The following GUF1 variants were observed in gnomAD, a reference collection of about 807,000 sequenced individuals.
GUF1 encodes the protein GTP binding elongation factor GUF1, also known as translation factor GUF1, mitochondrial.
A neutral mutation model predicts 82.4 loss-of-function variants in GUF1; 78 were observed. The ratio of observed to expected loss-of-function variants is 0.95; its 90% CI spans 0.79 to 1.14. The LOEUF (loss-of-function observed/expected upper bound fraction) is 1.14, where lower values mean the gene tolerates loss of function less well. Among genes scored for constraint, GUF1 ranks in the 50% most tolerant of loss-of-function variants. The pLI, the probability that GUF1 is intolerant of heterozygous loss-of-function variation, is 0.00. For missense variants in GUF1, 814 were observed against 798.2 expected, an observed-to-expected ratio of 1.02 and a Z score of -0.24; for synonymous variants, 279 against 282.3, an observed-to-expected ratio of 0.99 and a Z score of 0.12.
At chr4:44,697,496 TCAAAGGGGG>T in intron 16 of GUF1, 52 bp downstream of exon 16, 1 of 933,508 alleles carries the variant, frequency 1.1e-6, no homozygotes, top group South Asian at 1.6e-5. Flanking sequence ...GGGCTTTAAA[TCAAAGGGGG>T]CATAAACTTA....
In GUF1 at chr4:44,689,928, C is replaced by G. The variant is rs1309446591; in HGVS notation, c.1288C>G (p.Pro430Ala). The G allele has an allele frequency of 6.2e-7, 1 of 1,607,712 alleles. No individual in the cohort carries two copies. The highest frequency in any genetic ancestry group is 2.2e-5 in the East Asian group (1 of 44,758). Reference sequence around the variant, plus strand: ...TAATGCTTCTGTTATTTTAACAACCCCTACTGTTCCATATAAAGCTGTACT... The same window carrying G: ...TAATGCTTCTGTTATTTTAACAACCGCTACTGTTCCATATAAAGCTGTACT... ...EYNASVILTT[P>A]TVPYKAVLSS... Residue 430 changes from proline to alanine, a missense_variant, in exon 11 of 17, where the codon CCT becomes GCT. Coordinates refer to ENST00000281543, the MANE Select transcript of GUF1 (RefSeq NM_021927.3).
chr4:44,693,983 G>A (rs1193392500), intron 13 of GUF1: 1 of 165,576 alleles, frequency 6.0e-6, no homozygotes, highest in Non-Finnish European at 1.3e-5. Flanking sequence ...GGCATTTTAT[G>A]AGTGTCATAG....
At chr4:44,688,337 T>C (rs1208145844) in intron 9 of GUF1, among the ~76,000 whole-genome samples, 191 bp downstream of exon 9, 1 of 151,952 alleles carries the variant, frequency 6.6e-6, no homozygotes, top group Non-Finnish European at 1.5e-5. Flanking sequence ...TGGGAGATCA[T>C]TTAGGATGTG....
At chr4:44,687,097 T>C (rs896016320) in intron 8 of GUF1, among the ~76,000 whole-genome samples, 2 of 151,982 alleles carry the variant, frequency 1.3e-5, no homozygotes, top group Admixed American at 6.6e-5. Context: ...AATAAATCTT[T>C]AGTGTGGAAT....
At chr4:44,681,623 A>T (rs1467905882) in intron 4 of GUF1, among the ~76,000 whole-genome samples, 1 of 152,182 alleles carries the variant, frequency 6.6e-6, no homozygotes, top group Non-Finnish European at 1.5e-5. Flanking sequence ...TTAAAAAATC[A>T]GTAACATTAC....
chr4:44,691,811 A>G lies in GUF1; in HGVS notation c.1613+12A>G. On this transcript the variant is annotated intron_variant, in intron 13 of 16. Transcript: ENST00000281543. ...TCTGGATATGCTAGGTAAAAAAATAATGAGAACCTAAGATGCCTGACCAAC... is the reference window on the plus strand; with the variant it reads ...TCTGGATATGCTAGGTAAAAAAATAGTGAGAACCTAAGATGCCTGACCAAC... The G allele has an allele frequency of 6.4e-7, 1 of 1,571,730 alleles. No homozygotes were observed. The highest frequency in any genetic ancestry group is 8.6e-7 in the Non-Finnish European group (1 of 1,162,390).
intron 6 of GUF1, among the ~76,000 whole-genome samples, chr4:44,684,742 A>G (rs1714954602): frequency 1.3e-5 from 2 of 152,122 alleles, no homozygotes; most frequent in African/African-American, 4.8e-5. Context: ...ACAAACCTCC[A>G]TTTCATACTT....
chr4:44,682,983 A>T (rs1167327700), intron 5 of GUF1, among the ~76,000 whole-genome samples: 1 of 151,872 alleles, frequency 6.6e-6, no homozygotes, highest in Non-Finnish European at 1.5e-5. Context: ...ATTACTACTG[A>T]TCTCTTCTGC....
intron 11 of GUF1, 58 bp from the exon 12 acceptor site, chr4:44,690,656 CAAG>C (rs1410890258): frequency 2.2e-5 from 22 of 996,248 alleles, no homozygotes; most frequent in South Asian, 7.2e-5. Context: ...ATAAGGCAAA[CAAG>C]AAAAATGATA....
chr4:44,681,060 C>G, intron 3 of GUF1, 63 bp from the exon 4 acceptor site: 2 of 1,385,978 alleles, frequency 1.4e-6, no homozygotes, highest in Non-Finnish European at 2.0e-6. Flanking sequence ...AATAAATTTG[C>G]CATAATGCTC....
chr4:44,684,988 A>T (rs1301699293), intron 6 of GUF1, among the ~76,000 whole-genome samples: 2 of 152,158 alleles, frequency 1.3e-5, no homozygotes, highest in Non-Finnish European at 2.9e-5. Flanking sequence ...AGGTTTTGTC[A>T]GCTGCCTCTA....
chr4:44,680,907 TC>T, intron 3 of GUF1, 65 bp downstream of exon 3: 2 of 1,387,940 alleles, frequency 1.4e-6, no homozygotes, highest in Admixed American at 4.0e-5. Context: ...TGCAAACAGA[TC>T]CTTGTTTAAT....
At chr4:44,686,383 TTTTA>T (rs1715051581) in intron 7 of GUF1, 123 bp from the exon 8 acceptor site, 1 of 526,138 alleles carries the variant, frequency 1.9e-6, no homozygotes, top group East Asian at 3.1e-5. Flanking sequence ...AAAAAGGTCT[TTTTA>T]TTTAGGCTGT....
intron 5 of GUF1, 45 bp from the exon 6 acceptor site, chr4:44,683,190 T>G: frequency 8.4e-7 from 1 of 1,193,318 alleles, no homozygotes; most frequent in Non-Finnish European, 1.2e-6. Flanking sequence ...ACATAATACA[T>G]CTTATCTTTA....
chr4:44,699,873 T>G lies in GUF1; in HGVS notation c.*1192T>G, dbSNP rs549111562. ...ACAGGTGTTTGGTATTACCAGGAAC[T>G]CATAATGACATTTTAATAATTATTG... On this transcript the variant is annotated 3_prime_UTR_variant, in exon 17 of 17. Coordinates refer to ENST00000281543, the MANE Select transcript of GUF1 (RefSeq NM_021927.3). 6.6e-6 allele frequency: 1 copy of G among 152,336 alleles called. No individual in the cohort carries two copies. Among genetic ancestry groups the G allele is most frequent in the South Asian group, 2.1e-4 (1 of 4,832 alleles). 9.4% of individuals were successfully genotyped at this position (152,336 alleles called of 1,614,324 possible).
At chr4:44,679,778 C>CA (rs11285816) in intron 1 of GUF1, among the ~76,000 whole-genome samples, 1 of 151,810 alleles carries the variant, frequency 6.6e-6, no homozygotes, top group Non-Finnish European at 1.5e-5. Flanking sequence ...AAATAGAGTA[C>CA]AAAAAACTGG....
chr4:44,685,411 A>C (rs1714989504), intron 6 of GUF1, among the ~76,000 whole-genome samples: 1 of 152,088 alleles, frequency 6.6e-6, no homozygotes, highest in South Asian at 2.1e-4. Context: ...AAGAGTAAGA[A>C]GTTTGAAGTC....
At chr4:44,688,721 A>G (rs1715224966) in intron 9 of GUF1, among the ~76,000 whole-genome samples, 1 of 151,904 alleles carries the variant, frequency 6.6e-6, no homozygotes, top group African/African-American at 2.4e-5. Flanking sequence ...AACTTTGTTT[A>G]CCCCTACCTT....
At chr4:44,689,778 TAAAA>T in intron 10 of GUF1, 61 bp from the exon 11 acceptor site, 2 of 1,060,390 alleles carry the variant, frequency 1.9e-6, no homozygotes, top group Non-Finnish European at 2.5e-6. Flanking sequence ...ATATGTTCAT[TAAAA>T]AAAAAAAAAA....
Sources: allele counts gnomAD v4.1 joint callset (sites outside exome capture counted in the v4.1 genomes callset), GRCh38; gene constraint gnomAD v4.1.1; transcripts MANE v1.5; gene names NCBI Gene and HGNC (gene_info 2026-07-23, HGNC 2026-07-21).